Variants in ABCC11 observed in about 807,000 individuals in gnomAD.
ABCC11 encodes ATP-binding cassette sub-family C member 11.
Under a neutral mutation model 149.3 loss-of-function variants are expected in ABCC11, and 135 were observed. The observed-to-expected ratio is 0.90, with a 90% confidence interval of 0.79 to 1.04. The LOEUF (loss-of-function observed/expected upper bound fraction) is 1.04. Ranked by LOEUF, ABCC11 falls within the 50% of genes least tolerant of loss-of-function variation. The probability of loss-of-function intolerance (pLI) is 0.00; values close to 1 mark genes in which losing one functional copy is unlikely to be tolerated. For synonymous variants in ABCC11, 665 were observed against 671.4 expected, an observed-to-expected ratio of 0.99 and a Z score of 0.15; for missense variants, 1,680 against 1,722.1, an observed-to-expected ratio of 0.98 and a Z score of 0.43.
intron 1 of ABCC11, among the ~76,000 whole-genome samples, chr16:48,236,484 CCTCATTGAATGTAAG>C (rs1490959807): frequency 6.6e-6 from 1 of 152,182 alleles, no homozygotes; most frequent in Admixed American, 6.6e-5. Context: ...TTTCTGCATA[CCTCATTGAATGTAAG>C]CTCTTTGAAA....
At chr16:48,186,393 C>T (rs1450843403) in intron 22 of ABCC11, among the ~76,000 whole-genome samples, 1 of 152,226 alleles carries the variant, frequency 6.6e-6, no homozygotes, top group East Asian at 1.9e-4. Context: ...GCCTGTTTCT[C>T]CCTTTTTCCA....
rs190409424 is a variant in ABCC11 at position 48,175,335 on chromosome 16, G to A, written c.3621C>T (p.Cys1207=). Residue 1207 remains cysteine, a synonymous_variant, in exon 26 of 30, where the codon TGC becomes TGT. Coordinates refer to ENST00000356608, the MANE Select transcript of ABCC11 (RefSeq NM_001370497.1). ...GRILIDGVDI[C]SIGLEDLRSK... ...ACCGCAAGTCCTCCAGGCCGATGCT[G>A]CAAATGTCCACGCCGTCAATGAGAA... 18 of 1,614,178 alleles carry A rather than the reference G, an allele frequency of 1.1e-5. No individual in the cohort carries two copies. The highest frequency in any genetic ancestry group is 1.5e-5 in the Non-Finnish European group (18 of 1,180,000).
chr16:48,199,551 TGCACTGC>T (rs1967747643), intron 15 of ABCC11, among the ~76,000 whole-genome samples: 1 of 152,134 alleles, frequency 6.6e-6, no homozygotes, highest in Non-Finnish European at 1.5e-5. Flanking sequence ...AAGCAGTCAT[TGCACTGC>T]GGTCATCATC....
At chr16:48,210,740 A>C in intron 11 of ABCC11, 1 of 746,134 alleles carries the variant, frequency 1.3e-6, no homozygotes, top group Admixed American at 3.0e-5. Flanking sequence ...TACCTAAGCC[A>C]AAAAAATTTT....
chr16:48,180,517 G>A (rs1042799898), intron 23 of ABCC11, among the ~76,000 whole-genome samples: 8 of 152,216 alleles, frequency 5.3e-5, no homozygotes, highest in South Asian at 2.1e-4. Flanking sequence ...CCAGATGGTC[G>A]AGGCCATTTT....
intron 5 of ABCC11, 100 bp from the exon 6 acceptor site, chr16:48,222,931 G>A (rs1179855056): frequency 1.9e-6 from 2 of 1,037,554 alleles, no homozygotes; most frequent in Non-Finnish European, 2.8e-6. Context: ...TTCATGCTGG[G>A]GGTTTGTTGA....
chr16:48,237,722 C>G (rs1970756065), intron 1 of ABCC11, among the ~76,000 whole-genome samples: 1 of 152,172 alleles, frequency 6.6e-6, no homozygotes, highest in Non-Finnish European at 1.5e-5. Context: ...CTTATTGCAA[C>G]TGAAATCACT....
intron 1 of ABCC11, chr16:48,244,573 A>G: frequency 6.6e-7 from 1 of 1,518,526 alleles, no homozygotes; most frequent in Non-Finnish European, 8.8e-7. Flanking sequence ...GTCATCCCCA[A>G]CACGCCTGAC....
chr16:48,219,320 C>A (rs1969574456), intron 6 of ABCC11, among the ~76,000 whole-genome samples: 1 of 152,108 alleles, frequency 6.6e-6, no homozygotes, highest in Non-Finnish European at 1.5e-5. Flanking sequence ...CAGGCGCACG[C>A]CACCACGCCC....
intron 4 of ABCC11, among the ~76,000 whole-genome samples, chr16:48,226,103 G>A (rs1018469489): frequency 7.9e-6 from 1 of 126,112 alleles, no homozygotes; most frequent in African/African-American, 3.4e-5. Flanking sequence ...TTGAAATGGA[G>A]TCTCACTCTG....
rs375441848 is a variant in ABCC11, at chr16:48,175,329, G to A, written c.3627C>T (p.Ile1209=). The stretch of plus-strand genomic sequence containing the variant: ...GCTTGGACCGCAAGTCCTCCAGGCC[G>A]ATGCTGCAAATGTCCACGCCGTCAA... ...ILIDGVDICS[I]GLEDLRSKLS... is the part of the protein sequence containing the mutation. Residue 1209 remains isoleucine (I), a synonymous_variant, in exon 26 of 30, where the codon ATC becomes ATT. Coordinates refer to ENST00000356608, the MANE Select transcript of ABCC11 (RefSeq NM_001370497.1). 7.6e-5 allele frequency: 123 copies of A among 1,614,050 alleles called. No homozygotes were observed. Among genetic ancestry groups the A allele is most frequent in the Admixed American group, 3.3e-4 (20 of 60,010 alleles).
At chr16:48,227,475 C>CAAA (rs71309365) in intron 4 of ABCC11, among the ~76,000 whole-genome samples, 2 of 88,064 alleles carry the variant, frequency 2.3e-5, no homozygotes, top group African/African-American at 3.8e-5. Context: ...GACTCCATCT[C>CAAA]AAAAAAAAAA....
At chr16:48,173,136 T>C (rs1965823636) in intron 26 of ABCC11, among the ~76,000 whole-genome samples, 1 of 152,214 alleles carries the variant, frequency 6.6e-6, no homozygotes, top group African/African-American at 2.4e-5. Flanking sequence ...TTATCAGTTT[T>C]AAATGGCTTG....
chr16:48,235,782 G>C (rs1970657327), intron 1 of ABCC11, among the ~76,000 whole-genome samples: 1 of 152,254 alleles, frequency 6.6e-6, no homozygotes, highest in Admixed American at 6.5e-5. Flanking sequence ...AGAGGAAACA[G>C]CAGATGCTTC....
At chr16:48,239,857 T>G (rs1970874132) in intron 1 of ABCC11, among the ~76,000 whole-genome samples, 1 of 152,080 alleles carries the variant, frequency 6.6e-6, no homozygotes, top group Admixed American at 6.5e-5. Flanking sequence ...CATTAAACAG[T>G]GGGCAAAGGA....
At chr16:48,209,878 C>T (rs1968771892) in intron 11 of ABCC11, 1 of 152,128 alleles carries the variant, frequency 6.6e-6, no homozygotes, top group Non-Finnish European at 1.5e-5. Flanking sequence ...GAAAATCCCT[C>T]TGTCTGCTGT....
chr16:48,199,766 C>A (rs1967780952), intron 15 of ABCC11, among the ~76,000 whole-genome samples: 1 of 143,302 alleles, frequency 7.0e-6, no homozygotes, highest in African/African-American at 2.6e-5. Context: ...GCAGCCTTGA[C>A]CTCCGGGGCT....
At chr16:48,195,333 T>C (rs1277827708) in intron 18 of ABCC11, among the ~76,000 whole-genome samples, 1 of 152,220 alleles carries the variant, frequency 6.6e-6, no homozygotes, top group Non-Finnish European at 1.5e-5. Flanking sequence ...CATTCATGCA[T>C]TTCACAAGCA....
chr16:48,169,639 C>T (rs111459317), intron 28 of ABCC11, among the ~76,000 whole-genome samples: 13,035 of 151,628 alleles, frequency 0.086, 615 homozygotes, highest in African/African-American at 0.13. Context: ...AGCTGGAAAC[C>T]ATCACTCTCA....
Sources: gnomAD v4.1 joint callset for allele counts (sites outside exome capture counted in the v4.1 genomes callset) on GRCh38, gnomAD v4.1.1 for gene constraint, MANE v1.5 for transcripts, NCBI Gene and HGNC (gene_info 2026-07-23, HGNC 2026-07-21) for gene names.